DOCK1: variants seen among roughly 807,000 people sequenced by gnomAD.
DOCK1 encodes the protein dedicator of cytokinesis protein 1.
DOCK1 carries 138 observed loss-of-function variants against 262.7 expected under a neutral mutation model. The observed-to-expected ratio is 0.53, with a 90% CI of 0.46 to 0.61. The LOEUF (loss-of-function observed/expected upper bound fraction) is 0.61, where lower values mean the gene tolerates loss of function less well. DOCK1 is among the 20% of genes least tolerant of loss of function. The pLI is 0.00. For missense variants in DOCK1, 1,908 were observed against 2,370.7 expected (o/e 0.80, Z 4.05); for synonymous variants, 866 against 867.4 (o/e 1.00, Z 0.03).
intron 29 of DOCK1, among the ~76,000 whole-genome samples, chr10:127,334,705 T>A (rs1317400115): frequency 6.6e-6 from 1 of 152,216 alleles, no homozygotes; most frequent in East Asian, 1.9e-4. Context: ...TTACAAATAA[T>A]CCTTCCTTAG....
chr10:127,279,117 C>T (rs2060851775), intron 29 of DOCK1, among the ~76,000 whole-genome samples: 2 of 152,354 alleles, frequency 1.3e-5, no homozygotes, highest in Admixed American at 1.3e-4. Flanking sequence ...TGTGAATCCA[C>T]ACACGTGGCT....
intron 27 of DOCK1, among the ~76,000 whole-genome samples, chr10:127,163,799 CTTTTT>C (rs531750560): frequency 7.0e-5 from 9 of 129,180 alleles, no homozygotes; most frequent in Non-Finnish European, 1.0e-4. Flanking sequence ...TAAAGCCTTC[CTTTTT>C]TTTTTTTTTT....
Position 127,032,329 on chromosome 10 carries a change from G to T in DOCK1, c.1912+9G>T, listed in dbSNP as rs12260237. The T allele has an allele frequency of 9.6e-3, 14,468 of 1,508,606 alleles. 1,142 individuals carry two copies. The African/African-American group carries it at 0.17, about 18-fold the overall frequency. The allele number at this position is 1,508,606 out of a possible 1,614,324, so 93.5% of individuals were successfully genotyped here. A position where few individuals can be genotyped will look rare whatever the true frequency, so the allele number is the denominator to read the frequency against. On this transcript the variant is annotated intron_variant, in intron 18 of 51. Coordinates refer to ENST00000623213, the MANE Select transcript of DOCK1 (RefSeq NM_001290223.2). ...CAAACTGACTCAGAACGGTGCGTTCGAGAGGAGAAACACACTCACCCCAGG... is the reference window on the plus strand; with the variant it reads ...CAAACTGACTCAGAACGGTGCGTTCTAGAGGAGAAACACACTCACCCCAGG...
chr10:127,302,826 G>A (rs2061734557), intron 29 of DOCK1, among the ~76,000 whole-genome samples: 1 of 147,652 alleles, frequency 6.8e-6, no homozygotes, highest in Admixed American at 6.8e-5. Flanking sequence ...CTTCAAAATG[G>A]GTGAGAACAG....
At chr10:127,068,399 A>C (rs2046000466) in intron 23 of DOCK1, among the ~76,000 whole-genome samples, 2 of 152,264 alleles carry the variant, frequency 1.3e-5, no homozygotes, top group African/African-American at 4.8e-5. Flanking sequence ...CAGGTGAGGA[A>C]GTCACGTTTC....
chr10:127,345,979 C>T (rs866714852), intron 31 of DOCK1, among the ~76,000 whole-genome samples: 1 of 152,204 alleles, frequency 6.6e-6, no homozygotes, highest in Non-Finnish European at 1.5e-5. Context: ...TGTAATCCAC[C>T]AGGTGCGGAC....
intron 48 of DOCK1, among the ~76,000 whole-genome samples, chr10:127,434,381 T>A (rs115261430): frequency 6.6e-6 from 1 of 152,152 alleles, no homozygotes; most frequent in African/African-American, 2.4e-5. Flanking sequence ...CCACCCAGGC[T>A]GGAATGCAGT....
chr10:127,246,125 G>T (rs1242833057), intron 27 of DOCK1, among the ~76,000 whole-genome samples: 2 of 152,192 alleles, frequency 1.3e-5, no homozygotes, highest in African/African-American at 4.8e-5. Context: ...TCTCTACCTT[G>T]TGTTGGTCAT....
At chr10:127,397,268 A>T (rs1164657838) in intron 38 of DOCK1, among the ~76,000 whole-genome samples, 5 of 85,322 alleles carry the variant, frequency 5.9e-5, no homozygotes, top group African/African-American at 1.4e-4. Flanking sequence ...ACGGGCGGCG[A>T]CTCCTATGTG....
chr10:127,331,759 G>A (rs2766064), intron 29 of DOCK1, among the ~76,000 whole-genome samples: 3 of 152,058 alleles, frequency 2.0e-5, no homozygotes, highest in Admixed American at 2.0e-4. Context: ...TCACAGTTGC[G>A]AAAAGGTAGA....
chr10:127,004,089 C>G (rs962279622), intron 10 of DOCK1, among the ~76,000 whole-genome samples: 1 of 151,666 alleles, frequency 6.6e-6, no homozygotes, highest in Non-Finnish European at 1.5e-5. Flanking sequence ...CCTGTCTCTA[C>G]TAAAGATACA....
chr10:127,219,430 A>G (rs997348464), intron 27 of DOCK1, among the ~76,000 whole-genome samples: 7 of 152,166 alleles, frequency 4.6e-5, no homozygotes, highest in African/African-American at 1.7e-4. Flanking sequence ...CTATGTGGGC[A>G]TGCTAGGTCA....
chr10:127,398,992 A>G (rs1015401129), intron 38 of DOCK1, among the ~76,000 whole-genome samples: 2 of 152,216 alleles, frequency 1.3e-5, no homozygotes, highest in Non-Finnish European at 1.5e-5. Context: ...TCAAGTTTCT[A>G]TTCATGGAAC....
At chr10:127,247,806 C>T (rs2059481719) in intron 27 of DOCK1, among the ~76,000 whole-genome samples, 1 of 152,166 alleles carries the variant, frequency 6.6e-6, no homozygotes, top group African/African-American at 2.4e-5. Flanking sequence ...GGACCCCCTA[C>T]CAAAAAACAT....
intron 12 of DOCK1, chr10:127,015,884 A>G: frequency 6.6e-6 from 1 of 152,556 alleles, no homozygotes; most frequent in East Asian, 1.9e-4. Flanking sequence ...CTTCAGATAG[A>G]CCACAGTCCC....
intron 27 of DOCK1, among the ~76,000 whole-genome samples, chr10:127,183,211 A>G (rs891536247): frequency 2.0e-5 from 3 of 151,194 alleles, no homozygotes; most frequent in East Asian, 1.9e-4. Flanking sequence ...GACACTTCCC[A>G]GTCTTATTTG....
At chr10:126,961,288 T>C (rs2037197607) in intron 1 of DOCK1, among the ~76,000 whole-genome samples, 1 of 152,136 alleles carries the variant, frequency 6.6e-6, no homozygotes, top group African/African-American at 2.4e-5. Context: ...TGGTGTCCTT[T>C]TTAGAAATGT....
intron 29 of DOCK1, among the ~76,000 whole-genome samples, chr10:127,274,266 T>A (rs1190844620): frequency 6.6e-6 from 1 of 152,052 alleles, no homozygotes; most frequent in Non-Finnish European, 1.5e-5. Context: ...ATACCTCCAA[T>A]GAGAAAGAGA....
chr10:127,433,569 C>T lies in DOCK1; in HGVS notation c.5060+141C>T, dbSNP rs370241913. 5.0e-5 allele frequency: 60 copies of T among 1,206,344 alleles called. 1 individual carries two copies. Among genetic ancestry groups the T allele is most frequent in the South Asian group, 2.3e-4 (13 of 56,816 alleles). 74.7% of individuals were successfully genotyped at this position (1,206,344 alleles called of 1,614,324 possible). A position where few individuals can be genotyped will look rare whatever the true frequency, so the allele number is the denominator to read the frequency against. ...AATTATCTTTGAAACTGAGACCCTC[C>T]GAGACTTTCTGACCGTAGTGCCCAA... On this transcript the variant is annotated intron_variant, in intron 48 of 51. Transcript: ENST00000623213.
Sources: gnomAD v4.1 joint callset for allele counts (sites outside exome capture counted in the v4.1 genomes callset) on GRCh38, gnomAD v4.1.1 for gene constraint, MANE v1.5 for transcripts, NCBI Gene and HGNC (gene_info 2026-07-23, HGNC 2026-07-21) for gene names.